Variants in REPS1 observed in about 807,000 individuals in gnomAD.
REPS1 encodes RALBP1 associated Eps domain containing 1, also known as ralBP1-associated Eps domain-containing protein 1.
Under a neutral mutation model 100.9 loss-of-function variants are expected in REPS1, and 39 were observed. The observed-to-expected ratio is 0.39, with a 90% CI of 0.30 to 0.50. REPS1 has a LOEUF of 0.50. REPS1 is among the 20% of genes least tolerant of loss of function. REPS1 has a pLI of 0.86. For synonymous variants in REPS1, 324 were observed against 340.3 expected (o/e 0.95, Z 0.53); for missense variants, 821 against 968.5 (o/e 0.85, Z 2.02).
chr6:138,928,991 CAGTT>C, intron 9 of REPS1: 1 of 152,206 alleles, frequency 6.6e-6, no homozygotes, highest in Non-Finnish European at 1.5e-5. Context: ...ATAAAACCAC[CAGTT>C]AGTTCTGTTT....
chr6:138,961,689 T>C (rs1003344598), intron 1 of REPS1, among the ~76,000 whole-genome samples: 1 of 152,226 alleles, frequency 6.6e-6, no homozygotes, highest in Admixed American at 6.5e-5. Context: ...AGTATTGTTA[T>C]GAAAATAACT....
intron 1 of REPS1, among the ~76,000 whole-genome samples, chr6:138,976,153 C>A (rs1463229131): frequency 6.6e-6 from 1 of 152,126 alleles, no homozygotes; most frequent in Non-Finnish European, 1.5e-5. Context: ...ACCTATGATC[C>A]TTCCAGTCAC....
chr6:138,947,799 T>C lies in REPS1; in HGVS notation c.268A>G (p.Ile90Val). ...QSGFPLRVES[I>V]NTVKDLPLPR... is the part of the protein sequence containing the mutation. ...TGTACTCTATATTTACCTGTATTTA[T>C]ACTTTCCACTCTTAAAGGGAAACCA... Residue 90 changes from isoleucine (I) to valine (V), a missense_variant, in exon 2 of 20, where the codon ATA (isoleucine) becomes GTA (valine). Transcript: ENST00000450536. 6.2e-7 allele frequency: 1 copy of C among 1,605,180 alleles called. No homozygotes were observed. Among genetic ancestry groups the C allele is most frequent in the Non-Finnish European group, 8.5e-7 (1 of 1,176,884 alleles).
chr6:138,903,562 C>T lies in REPS1; in HGVS notation c.*1502G>A, dbSNP rs747618717. 2 of 151,966 alleles carry T rather than the reference C, an allele frequency of 1.3e-5. No homozygotes were observed. The highest frequency in any genetic ancestry group is 2.4e-5 in the African/African-American group (1 of 41,358). 9.4% of individuals were successfully genotyped at this position (151,966 alleles called of 1,614,324 possible). ...AAGAAGCTTTAACAAATATTTTTGA[C>T]ATTGTTAAATTAGAAGGCTATTTTT... On this transcript the variant is annotated 3_prime_UTR_variant, in exon 20 of 20. Coordinates refer to ENST00000450536, the MANE Select transcript of REPS1 (RefSeq NM_001286611.2).
chr6:138,934,432 C>A (rs776331478), intron 8 of REPS1: 2 of 439,302 alleles, frequency 4.6e-6, no homozygotes, highest in African/African-American at 2.0e-5. Context: ...AAAGAGACAA[C>A]CCAGTATGAT....
intron 12 of REPS1, among the ~76,000 whole-genome samples, chr6:138,919,987 T>C (rs559444671): frequency 6.6e-6 from 1 of 152,268 alleles, no homozygotes; most frequent in African/African-American, 2.4e-5. Flanking sequence ...GGAAGAGCCA[T>C]AAGATCAAAC....
intron 1 of REPS1, among the ~76,000 whole-genome samples, chr6:138,980,332 A>G (rs1356384746): frequency 2.6e-5 from 4 of 152,204 alleles, no homozygotes; most frequent in Admixed American, 2.6e-4. Context: ...CTTTTAAAAT[A>G]TAATTCAGAT....
intron 8 of REPS1, among the ~76,000 whole-genome samples, chr6:138,935,526 C>T (rs1024899321): frequency 3.3e-5 from 5 of 151,770 alleles, no homozygotes; most frequent in African/African-American, 9.7e-5. Context: ...TAAAAATCTA[C>T]AGAGAAAATA....
At chr6:138,975,380 G>A (rs577464165) in intron 1 of REPS1, among the ~76,000 whole-genome samples, 2 of 152,280 alleles carry the variant, frequency 1.3e-5, no homozygotes, top group African/African-American at 4.8e-5. Context: ...CAGAATAGAA[G>A]GGTTGGGAAA....
chr6:138,939,450 T>C (rs2128468979), intron 8 of REPS1, among the ~76,000 whole-genome samples: 2 of 152,308 alleles, frequency 1.3e-5, no homozygotes, highest in Middle Eastern at 6.8e-3. Context: ...ACCATCAACC[T>C]TATAGATCCA....
chr6:138,949,090 C>A (rs972113458), intron 1 of REPS1, among the ~76,000 whole-genome samples: 1 of 152,206 alleles, frequency 6.6e-6, no homozygotes, highest in Admixed American at 6.5e-5. Flanking sequence ...CCCCAATCCT[C>A]TACTCTTCTG....
At chr6:138,923,527 A>G (rs1298004664) in intron 10 of REPS1, among the ~76,000 whole-genome samples, 1 of 152,258 alleles carries the variant, frequency 6.6e-6, no homozygotes, top group East Asian at 1.9e-4. Flanking sequence ...TTTGCAGTGC[A>G]ATCAATCACA....
intron 12 of REPS1, among the ~76,000 whole-genome samples, chr6:138,918,131 G>T (rs1389298503): frequency 6.6e-6 from 1 of 151,782 alleles, no homozygotes; most frequent in Non-Finnish European, 1.5e-5. Flanking sequence ...TTTTTTGGGG[G>T]TTAGAAATGA....
At chr6:138,936,022 G>A (rs1781807580) in intron 8 of REPS1, among the ~76,000 whole-genome samples, 1 of 152,068 alleles carries the variant, frequency 6.6e-6, no homozygotes. Context: ...AACAAGACAA[G>A]GGTACCATTC....
At chr6:138,973,380 A>C (rs1048786139) in intron 1 of REPS1, among the ~76,000 whole-genome samples, 1 of 152,176 alleles carries the variant, frequency 6.6e-6, no homozygotes, top group Non-Finnish European at 1.5e-5. Context: ...AAACCAAATA[A>C]TGAGTTAGTC....
At chr6:138,970,052 TCACTGAA>T (rs1452674499) in intron 1 of REPS1, among the ~76,000 whole-genome samples, 1 of 152,062 alleles carries the variant, frequency 6.6e-6, no homozygotes, top group Non-Finnish European at 1.5e-5. Context: ...ACACTAATTT[TCACTGAA>T]CATTTCTGAA....
chr6:138,967,561 A>G (rs560015786), intron 1 of REPS1, among the ~76,000 whole-genome samples: 4 of 152,306 alleles, frequency 2.6e-5, no homozygotes, highest in Admixed American at 1.3e-4. Context: ...GTAGGCAGCA[A>G]TAATTTTAGG....
intron 19 of REPS1, chr6:138,907,255 G>C: frequency 3.1e-6 from 1 of 318,788 alleles, no homozygotes. Flanking sequence ...AGGATAGCTT[G>C]AGCCCAGGTT....
chr6:138,941,998 C>T (rs1202742011), intron 7 of REPS1, among the ~76,000 whole-genome samples: 1 of 152,178 alleles, frequency 6.6e-6, no homozygotes, highest in Non-Finnish European at 1.5e-5. Flanking sequence ...CTTGCCTCAG[C>T]TTCCTGAGTA....
Sources: allele counts gnomAD v4.1 joint callset (sites outside exome capture counted in the v4.1 genomes callset), GRCh38; gene constraint gnomAD v4.1.1; transcripts MANE v1.5; gene names NCBI Gene and HGNC (gene_info 2026-07-23, HGNC 2026-07-21).